Variants in FADS2 observed in about 807,000 individuals in gnomAD.
FADS2 encodes the protein fatty acid desaturase 2.
In FADS2, 18 loss-of-function variants were observed where a neutral mutation model predicts 61.2. The ratio of observed to expected loss-of-function variants is 0.29; its 90% CI spans 0.20 to 0.44. FADS2 has a LOEUF of 0.44. Ranked by LOEUF, FADS2 falls within the 20% of genes least tolerant of loss-of-function variation. The probability of loss-of-function intolerance (pLI) is 1.00; values close to 1 mark genes in which losing one functional copy is unlikely to be tolerated. For missense variants in FADS2, 322 were observed against 572.7 expected (o/e 0.56, Z 4.47); for synonymous variants, 203 against 223.9 (o/e 0.91, Z 0.83).
rs544395530 is a variant in FADS2 at position 61,859,259 on chromosome 11, G to T, written c.882+1729G>T. ...TTTAGCAGAGACAGGGTTTCACCAT[G>T]TTGGTCAGGCTGGTCTCAAACTCCC... On this transcript the variant is annotated intron_variant, in intron 7 of 11. Coordinates refer to ENST00000278840, the MANE Select transcript of FADS2 (RefSeq NM_004265.4). 2.0e-5 allele frequency among the ~76,000 whole-genome samples: 3 copies of T among 151,976 alleles called. No homozygotes were observed. In the South Asian group the frequency reaches 6.2e-4, roughly 32 times the overall value.
At chr11:61,848,367 G>T (rs1391295253) in intron 5 of FADS2, 83 bp downstream of exon 5, 1 of 1,593,162 alleles carries the variant, frequency 6.3e-7, no homozygotes, top group Non-Finnish European at 8.6e-7. Context: ...TAAGGAGATG[G>T]TGTTGACCTA....
At chr11:61,863,547 A>AG (rs2067435175) in intron 9 of FADS2, among the ~76,000 whole-genome samples, 160 bp from the exon 10 acceptor site, 1 of 152,066 alleles carries the variant, frequency 6.6e-6, no homozygotes. Flanking sequence ...AATCCCCCAG[A>AG]GGGACAGGTG....
intron 4 of FADS2, among the ~76,000 whole-genome samples, chr11:61,843,068 T>G (rs2067229359): frequency 6.6e-6 from 1 of 152,228 alleles, no homozygotes; most frequent in South Asian, 2.1e-4. Context: ...TCTTCCAAAG[T>G]GTGATCTTTT....
intron 7 of FADS2, among the ~76,000 whole-genome samples, 165 bp downstream of exon 7, chr11:61,857,695 CA>C (rs2067374707): frequency 6.6e-6 from 1 of 152,134 alleles, no homozygotes; most frequent in African/African-American, 2.4e-5. Flanking sequence ...CCTCTGGGGC[CA>C]CCAGGACCTA....
At chr11:61,818,500 A>G (rs2067008286) in intron 1 of FADS2, among the ~76,000 whole-genome samples, 1 of 152,252 alleles carries the variant, frequency 6.6e-6, no homozygotes, top group Admixed American at 6.5e-5. Flanking sequence ...CTGTGCAAAG[A>G]TGCAGAAATA....
intron 1 of FADS2, among the ~76,000 whole-genome samples, chr11:61,819,476 G>A (rs1372083083): frequency 6.6e-6 from 1 of 152,074 alleles, no homozygotes; most frequent in Admixed American, 6.5e-5. Flanking sequence ...AATCCGGGAG[G>A]CAGAGGTTGC....
intron 4 of FADS2, among the ~76,000 whole-genome samples, chr11:61,842,024 C>T (rs2067221815): frequency 6.6e-6 from 1 of 152,242 alleles, no homozygotes; most frequent in Admixed American, 6.5e-5. Flanking sequence ...CCAACTTGCT[C>T]TCTGAAATAG....
At position 61,816,776 on chromosome 11, in the gene FADS2, C is replaced by T; in HGVS notation, c.141+350C>T. 6.6e-7 allele frequency: 1 copy of T among 1,522,620 alleles called. No individual in the cohort carries two copies. Among genetic ancestry groups the T allele is most frequent in the South Asian group, 1.2e-5 (1 of 82,036 alleles). The allele number at this position is 1,522,620 out of a possible 1,614,324, so 94.3% of individuals were successfully genotyped here. A position where few individuals can be genotyped will look rare whatever the true frequency, so the allele number is the denominator to read the frequency against. On this transcript the variant is annotated intron_variant, in intron 1 of 11. Transcript: ENST00000257261. The surrounding 1 kb of genome is among the most constrained non-coding windows in gnomAD (Gnocchi z 7.0). ...GGGGCCATAGCTGGCCTGGCGACGC[C>T]GCGCGCCGGGCCAGCAGGGGCTGTC... is the stretch of plus-strand genomic sequence containing the variant.
intron 1 of FADS2, among the ~76,000 whole-genome samples, chr11:61,832,024 A>T (rs897024882): frequency 6.6e-6 from 1 of 152,176 alleles, no homozygotes; most frequent in Non-Finnish European, 1.5e-5. Flanking sequence ...CACAGAGATG[A>T]ATTATTCACA....
At chr11:61,838,779 A>G (rs2067195473) in intron 2 of FADS2, among the ~76,000 whole-genome samples, 1 of 151,648 alleles carries the variant, frequency 6.6e-6, no homozygotes, top group Non-Finnish European at 1.5e-5. Flanking sequence ...ATGCCAGCCC[A>G]TGCTTGTCCC....
At chr11:61,820,817 T>A (rs1228868657) in intron 1 of FADS2, among the ~76,000 whole-genome samples, 2 of 152,126 alleles carry the variant, frequency 1.3e-5, no homozygotes, top group Non-Finnish European at 2.9e-5. Context: ...GGAGAATCGC[T>A]TGAACCCAGG....
chr11:61,851,192 G>T (rs2067303903), intron 5 of FADS2, among the ~76,000 whole-genome samples: 1 of 152,188 alleles, frequency 6.6e-6, no homozygotes, highest in Non-Finnish European at 1.5e-5. Context: ...CATTTTCTCG[G>T]CGAGGCTTTG....
At chr11:61,842,462 T>A (rs1205383395) in intron 4 of FADS2, among the ~76,000 whole-genome samples, 1 of 152,264 alleles carries the variant, frequency 6.6e-6, no homozygotes, top group East Asian at 1.9e-4. Flanking sequence ...GGCTGTGTCC[T>A]GCTTCCAGAT....
intron 1 of FADS2, among the ~76,000 whole-genome samples, chr11:61,822,171 A>T (rs2067040726): frequency 6.6e-6 from 1 of 152,132 alleles, no homozygotes; most frequent in Non-Finnish European, 1.5e-5. Context: ...AAGTTTCACC[A>T]TGTTAGCCAG....
chr11:61,863,518 A>T (rs1452333437), intron 9 of FADS2, 140 bp downstream of exon 9: 1 of 800,738 alleles, frequency 1.2e-6, no homozygotes, highest in African/African-American at 1.7e-5. Context: ...TTCAGGGCTG[A>T]GCAAGAAAGG....
intron 2 of FADS2, among the ~76,000 whole-genome samples, chr11:61,838,359 T>A (rs1331126240): frequency 6.6e-6 from 1 of 151,990 alleles, no homozygotes; most frequent in African/African-American, 2.4e-5. Context: ...ACCCCTGAGG[T>A]CTCATGGGCT....
chr11:61,816,408 C>A lies in FADS2; in HGVS notation c.123C>A (p.His41Gln), dbSNP rs777211354. The change falls in exon 1 of 12, where the codon CAC becomes CAA. Residue 41 changes from histidine to glutamine, a missense_variant. His to Gln is a conservative substitution (Grantham distance 24). Transcript: ENST00000257261. This position sits in a 1 kb window ranked among gnomAD's most constrained non-coding sequence, Gnocchi z 7.0. ...CTTTTCATCCCGCATCCGCAGGACA[C>A]CCAATCACCGGGCAACAGGTATGAT... 2 of 1,598,520 alleles carry A rather than the reference C, an allele frequency of 1.3e-6. No individual in the cohort carries two copies. The highest frequency in any genetic ancestry group is 1.7e-6 in the Non-Finnish European group (2 of 1,179,814).
chr11:61,864,005 G>A (rs112547382), intron 10 of FADS2: 20 of 533,494 alleles, frequency 3.7e-5, no homozygotes, highest in African/African-American at 2.1e-4. Context: ...CTCATGCTGT[G>A]CCACTTGGTC....
Position 61,840,454 on chromosome 11 carries a change from G to A in FADS2, c.439G>A (p.Ala147Thr). 1 of 1,614,158 alleles carries A rather than the reference G, an allele frequency of 6.2e-7. No homozygotes were observed. The highest frequency in any genetic ancestry group is 8.5e-7 in the Non-Finnish European group (1 of 1,180,030). ...LAHIIALESIAWFTVFYFGNG... is the reference protein window; with the variant it reads ...LAHIIALESITWFTVFYFGNG... ...CCACATCATCGCCCTGGAGAGCATT[G>A]CATGGTTCACTGTCTTTTACTTTGG... Residue 147 changes from alanine (A) to threonine (T), a missense_variant, in exon 3 of 12, where the codon GCA becomes ACA. By Grantham distance (58) the Ala-to-Thr change is moderately conservative. Coordinates refer to ENST00000278840, the MANE Select transcript of FADS2 (RefSeq NM_004265.4).
Sources: allele counts gnomAD v4.1 joint callset (sites outside exome capture counted in the v4.1 genomes callset), GRCh38; gene constraint gnomAD v4.1.1; non-coding constraint Gnocchi (gnomAD v3.1); transcripts MANE v1.5; gene names NCBI Gene and HGNC (gene_info 2026-07-23, HGNC 2026-07-21).